The following HDAC9 variants were observed in gnomAD, a reference collection of about 807,000 sequenced individuals.
The protein encoded by HDAC9 is histone deacetylase 9.
In HDAC9, 41 loss-of-function variants were observed where a neutral mutation model predicts 139.4. That is an observed-to-expected ratio of 0.29 (90% CI 0.23 to 0.38). The LOEUF is 0.38. Among genes scored for constraint, HDAC9 ranks in the 10% least tolerant of loss-of-function variants. HDAC9 has a pLI of 1.00. For synonymous variants in HDAC9, 517 were observed against 476.2 expected (o/e 1.09, Z -1.12); for missense variants, 1,147 against 1,297.0 (o/e 0.88, Z 1.78).
At chr7:18,705,678 C>G (rs1027789898) in intron 12 of HDAC9, among the ~76,000 whole-genome samples, 1 of 151,490 alleles carries the variant, frequency 6.6e-6, no homozygotes, top group African/African-American at 2.4e-5. Context: ...TGCCGAAACC[C>G]CGTTTCTACT....
rs142944560 is a variant in HDAC9, at chr7:18,426,368, C to T, written c.-41-69894C>T. On this transcript the variant is annotated intron_variant, in intron 1 of 3. Coordinates refer to the HDAC9 transcript ENST00000413509. ...TGCAAATGCTAATGCAGTTTTTAAT[C>T]TTAGAAGCAAAGAACCTGAATATTT... Among the ~76,000 whole-genome samples, 22 of 152,258 alleles carry T rather than the reference C, an allele frequency of 1.4e-4. No homozygotes were observed. The East Asian group carries it at 2.1e-3, about 15-fold the overall frequency.
chr7:18,411,348 G>T (rs1585708147), intron 1 of HDAC9, among the ~76,000 whole-genome samples: 1 of 152,156 alleles, frequency 6.6e-6, no homozygotes, highest in African/African-American at 2.4e-5. Context: ...TTTTAGTACA[G>T]TATTCAATAA....
At chr7:18,286,120 GA>G (rs1328029712), upstream of HDAC9, among the ~76,000 whole-genome samples, 1 of 152,014 alleles carries the variant, frequency 6.6e-6, no homozygotes, top group Non-Finnish European at 1.5e-5. Flanking sequence ...TGATTCTGCA[GA>G]ATTGAAATGA....
rs1781601333 is a variant in HDAC9, at chr7:18,629,320, CTA to C, written c.665-28_665-27del. ...GGCTCTCTATTTTTTTAATTTTTATCTATTTTTTTTTTTTTGTCTCAATCCCC... is the reference window on the plus strand; with the variant it reads ...GGCTCTCTATTTTTTTAATTTTTATCTTTTTTTTTTTTTGTCTCAATCCCC... On this transcript the variant is annotated intron_variant, in intron 6 of 25. Coordinates refer to ENST00000686413, the MANE Select transcript of HDAC9 (RefSeq NM_178425.4). The C allele has an allele frequency of 2.1e-6, 3 of 1,434,678 alleles. No individual in the cohort carries two copies. The East Asian group carries it at 8.1e-5, about 39-fold the overall frequency. The allele number at this position is 1,434,678 out of a possible 1,614,324, so 88.9% of individuals were successfully genotyped here.
chr7:18,371,118 T>C (rs1246530889), intron 1 of HDAC9, among the ~76,000 whole-genome samples: 5 of 152,068 alleles, frequency 3.3e-5, no homozygotes, highest in African/African-American at 9.7e-5. Flanking sequence ...TGGAAAGGGG[T>C]AGGCTGCATA....
intron 22 of HDAC9, among the ~76,000 whole-genome samples, chr7:18,875,029 A>G (rs1799214748): frequency 6.6e-6 from 1 of 152,172 alleles, no homozygotes; most frequent in Non-Finnish European, 1.5e-5. Context: ...TGAAAACAAA[A>G]GTGTAATTCC....
intron 21 of HDAC9, among the ~76,000 whole-genome samples, chr7:18,865,940 G>A (rs973696887): frequency 2.0e-5 from 3 of 151,462 alleles, no homozygotes; most frequent in Non-Finnish European, 4.4e-5. Flanking sequence ...ATTTACATTT[G>A]CATGATTATA....
At chr7:18,590,589 T>A in intron 4 of HDAC9, 103 bp downstream of exon 4, 1 of 1,118,548 alleles carries the variant, frequency 8.9e-7, no homozygotes, top group Non-Finnish European at 1.2e-6. Context: ...TCGTCAAAAT[T>A]ATCTGTGTTT....
intron 1 of HDAC9, among the ~76,000 whole-genome samples, chr7:18,326,141 C>A (rs1355793014): frequency 6.6e-6 from 1 of 151,984 alleles, no homozygotes; most frequent in East Asian, 1.9e-4. Flanking sequence ...TTATTCATAG[C>A]AAATTACATT....
At chr7:18,408,984 C>A (rs575793614) in intron 1 of HDAC9, among the ~76,000 whole-genome samples, 1 of 152,268 alleles carries the variant, frequency 6.6e-6, no homozygotes, top group South Asian at 2.1e-4. Flanking sequence ...CGTTTTTAGA[C>A]TTCCACATTT....
Position 18,411,611 on chromosome 7 carries a change from G to A in HDAC9, c.-41-84651G>A, listed in dbSNP as rs141550026. ...AAGATGGTCTTGATCTCCTGACCTC[G>A]TGATCTGCCTGCCTTGGCCTCCCAA... On this transcript the variant is annotated intron_variant, in intron 1 of 3. Transcript: ENST00000413509. Among the ~76,000 whole-genome samples, 4 of 152,134 alleles carry A rather than the reference G, an allele frequency of 2.6e-5. No homozygotes were observed. In the East Asian group the frequency reaches 5.8e-4, roughly 22 times the overall value.
At chr7:18,667,302 A>G (rs1405813325) in intron 12 of HDAC9, 3 of 984,678 alleles carry the variant, frequency 3.0e-6, no homozygotes, top group Non-Finnish European at 2.4e-6. Flanking sequence ...TGTGTCTACA[A>G]TTGCAAAAAA....
intron 16 of HDAC9, among the ~76,000 whole-genome samples, chr7:18,771,792 C>G (rs1376930560): frequency 6.6e-6 from 1 of 152,030 alleles, no homozygotes; most frequent in Non-Finnish European, 1.5e-5. Flanking sequence ...GTTTTATGAC[C>G]ACATCTATGG....
chr7:18,967,880 A>T (rs1783980205), intron 24 of HDAC9, among the ~76,000 whole-genome samples: 4 of 152,202 alleles, frequency 2.6e-5, no homozygotes, highest in African/African-American at 9.7e-5. Flanking sequence ...AAGAAACTTC[A>T]GGCCGGGCAC....
At chr7:18,640,610 T>C (rs1454958024) in intron 8 of HDAC9, among the ~76,000 whole-genome samples, 1 of 151,834 alleles carries the variant, frequency 6.6e-6, no homozygotes, top group Non-Finnish European at 1.5e-5. Context: ...TTCTCTCCCG[T>C]GTTCTTGTTT....
At chr7:18,289,653 A>T (rs1255956051), upstream of HDAC9, among the ~76,000 whole-genome samples, 3 of 152,156 alleles carry the variant, frequency 2.0e-5, no homozygotes, top group Non-Finnish European at 2.9e-5. Context: ...ATTTAATTCA[A>T]ATGCACCCAT....
At chr7:18,272,581 A>G (rs867733436) in intron 2 of HDAC9, among the ~76,000 whole-genome samples, 2 of 152,184 alleles carry the variant, frequency 1.3e-5, no homozygotes, top group Admixed American at 6.5e-5. Context: ...CTATCGAAAT[A>G]AAAGAAACCT....
At chr7:18,989,388 G>C (rs1193798316) in intron 25 of HDAC9, among the ~76,000 whole-genome samples, 1 of 152,044 alleles carries the variant, frequency 6.6e-6, no homozygotes, top group Admixed American at 6.6e-5. Context: ...GACCCCCACT[G>C]TCTTCTGGCT....
chr7:18,149,632 G>C (rs1279099810), intron 1 of HDAC9, among the ~76,000 whole-genome samples: 1 of 151,884 alleles, frequency 6.6e-6, no homozygotes, highest in Middle Eastern at 3.4e-3. Flanking sequence ...CTCACTGCAG[G>C]CTTCGCCTCC....
Sources: allele counts gnomAD v4.1 joint callset (sites outside exome capture counted in the v4.1 genomes callset), GRCh38; gene constraint gnomAD v4.1.1; transcripts MANE v1.5; gene names NCBI Gene and HGNC (gene_info 2026-07-23, HGNC 2026-07-21).